Variants in RNF220 observed in about 807,000 individuals in gnomAD.
RNF220 encodes the protein ring finger protein 220.
Under a neutral mutation model 67.1 loss-of-function variants are expected in RNF220, and 7 were observed. The observed-to-expected ratio is 0.10, with a 90% CI of 0.06 to 0.20. The LOEUF is 0.20. RNF220 is among the 10% of genes least tolerant of loss of function. RNF220 has a pLI of 1.00. For synonymous variants in RNF220, 270 were observed against 283.2 expected (o/e 0.95, Z 0.47); for missense variants, 565 against 740.3 (o/e 0.76, Z 2.75).
chr1:44,467,685 C>T (rs1654408673), intron 2 of RNF220, among the ~76,000 whole-genome samples: 1 of 151,752 alleles, frequency 6.6e-6, no homozygotes, highest in South Asian at 2.1e-4. Flanking sequence ...CATTTCTTAT[C>T]ATTCATGTGT....
At chr1:44,525,447 C>A (rs1249109252) in intron 2 of RNF220, among the ~76,000 whole-genome samples, 8 of 152,218 alleles carry the variant, frequency 5.3e-5, no homozygotes, top group African/African-American at 2.4e-5. Flanking sequence ...CAAACACACA[C>A]AAAAAATAAC....
chr1:44,502,565 A>C (rs929900849), intron 2 of RNF220, among the ~76,000 whole-genome samples: 1 of 152,218 alleles, frequency 6.6e-6, no homozygotes, highest in African/African-American at 2.4e-5. Flanking sequence ...GCCAGGCCCT[A>C]GGAGACACAG....
intron 2 of RNF220, among the ~76,000 whole-genome samples, chr1:44,418,376 G>A (rs1648822297): frequency 6.6e-6 from 1 of 152,220 alleles, no homozygotes; most frequent in Non-Finnish European, 1.5e-5. Context: ...TCTCCTTTCG[G>A]CTTGAAATGT....
At chr1:44,608,260 C>G (rs1164914353) in intron 2 of RNF220, among the ~76,000 whole-genome samples, 1 of 152,084 alleles carries the variant, frequency 6.6e-6, no homozygotes, top group Non-Finnish European at 1.5e-5. Flanking sequence ...ACTCTGGGGA[C>G]AATCGTTTCA....
chr1:44,632,407 C>T (rs749448793), intron 6 of RNF220, 22 bp downstream of exon 6: 2 of 1,576,382 alleles, frequency 1.3e-6, no homozygotes, highest in East Asian at 2.3e-5. Flanking sequence ...CCGGCCCCTC[C>T]CTCCGCCCCA....
chr1:44,614,044 CT>C (rs980414010), intron 2 of RNF220, 120 bp from the exon 3 acceptor site: 143 of 1,356,896 alleles, frequency 1.1e-4, no homozygotes, highest in Middle Eastern at 5.6e-4. Context: ...CCTCAGGCCC[CT>C]CCTCTAGGCC....
Position 44,641,000 on chromosome 1 carries a change from C to G in RNF220, c.1127-3698C>G, listed in dbSNP as rs563295982. The stretch of plus-strand genomic sequence containing the variant: ...ACTGCCCCCAGTAAACGGGCATCTC[C>G]AGTTTCTCAATCGATCATCTGATCA... On this transcript the variant is annotated intron_variant, in intron 8 of 14. Transcript: ENST00000361799. 3.9e-5 allele frequency among the ~76,000 whole-genome samples: 6 copies of G among 152,230 alleles called. No individual in the cohort carries two copies. The South Asian group carries it at 1.0e-3, about 26-fold the overall frequency.
In RNF220 at chr1:44,407,416, G is replaced by A. The variant is rs542770040; in HGVS notation, c.-118+1886G>A. ...GCGGGCTCTTCCTGCAAAGGGGAAT[G>A]AGCAGAGGGGGGAAAGGCAGAAAGA... On this transcript the variant is annotated intron_variant, in intron 1 of 14. Transcript: ENST00000361799. 2.6e-5 allele frequency among the ~76,000 whole-genome samples: 4 copies of A among 152,332 alleles called. No homozygotes were observed. In the South Asian group the frequency reaches 8.3e-4, roughly 32 times the overall value.
At chr1:44,554,370 T>C (rs1662903674) in intron 2 of RNF220, among the ~76,000 whole-genome samples, 1 of 152,034 alleles carries the variant, frequency 6.6e-6, no homozygotes, top group South Asian at 2.1e-4. Flanking sequence ...TTAGGACATG[T>C]CCTTCTCGCC....
Position 44,514,833 on chromosome 1 carries a change from A to C in RNF220, c.626-99332A>C, listed in dbSNP as rs145311954. ...AGTGGCTTTAGAGGTTCTGAAGTTC[A>C]TGCTTTACTAGTTGTGTGCATAACC... On this transcript the variant is annotated intron_variant, in intron 2 of 14. Transcript: ENST00000361799. Among the ~76,000 whole-genome samples, 78 of 152,336 alleles carry C rather than the reference A, an allele frequency of 5.1e-4. 1 individual carries two copies. Among genetic ancestry groups the C allele is most frequent in the African/African-American group, 1.6e-3 (65 of 41,582 alleles).
intron 2 of RNF220, among the ~76,000 whole-genome samples, chr1:44,539,867 CA>C (rs1439110432): frequency 3.9e-5 from 6 of 152,196 alleles, no homozygotes; most frequent in Admixed American, 3.9e-4. Flanking sequence ...TTCTAAAATG[CA>C]AATCTGATTC....
chr1:44,588,424 A>G (rs968143639), intron 2 of RNF220, among the ~76,000 whole-genome samples: 5 of 152,236 alleles, frequency 3.3e-5, no homozygotes, highest in Admixed American at 6.5e-5. Flanking sequence ...TCCTTAGCCC[A>G]GCACGCTCAG....
At position 44,613,252 on chromosome 1, in the gene RNF220, G is replaced by C. The variant is rs544843868; in HGVS notation, c.626-913G>C. Among the ~76,000 whole-genome samples, 11 of 149,760 alleles carry C rather than the reference G, an allele frequency of 7.3e-5. No homozygotes were observed. The East Asian group carries it at 2.0e-3, about 27-fold the overall frequency. ...AATAGGGCTCCTCAACCCCACTCCTGTAAGCAGAGGCCACAGAGCATCCAT... is the reference window on the plus strand; with the variant it reads ...AATAGGGCTCCTCAACCCCACTCCTCTAAGCAGAGGCCACAGAGCATCCAT... On this transcript the variant is annotated intron_variant, in intron 2 of 14. Coordinates refer to ENST00000361799, the MANE Select transcript of RNF220 (RefSeq NM_018150.4).
chr1:44,546,968 A>G (rs536267216), intron 2 of RNF220, among the ~76,000 whole-genome samples: 34 of 152,316 alleles, frequency 2.2e-4, no homozygotes, highest in African/African-American at 8.2e-4. Context: ...TCAGCAAGTA[A>G]ATAAGCAAAG....
intron 2 of RNF220, among the ~76,000 whole-genome samples, chr1:44,493,343 G>A (rs1306004798): frequency 2.0e-5 from 3 of 152,026 alleles, no homozygotes; most frequent in African/African-American, 4.8e-5. Context: ...GTAAAACTCC[G>A]TCTCTACTAA....
chr1:44,498,908 C>A (rs1380471462), intron 2 of RNF220, among the ~76,000 whole-genome samples: 1 of 152,168 alleles, frequency 6.6e-6, no homozygotes, highest in East Asian at 1.9e-4. Context: ...TTCTCTCCCC[C>A]AATAAACTTG....
rs748872462 is a variant in RNF220 at position 44,412,218 on chromosome 1, C to G, written c.121C>G (p.Pro41Ala). The change falls in exon 2 of 15, where the codon CCT becomes GCT. Residue 41 changes from proline to alanine, a missense_variant. Physicochemically the swap from Pro to Ala is conservative, Grantham distance 27. Coordinates refer to ENST00000361799, the MANE Select transcript of RNF220 (RefSeq NM_018150.4). The surrounding 1 kb of genome is among the most constrained non-coding windows in gnomAD (Gnocchi z 5.3). ...TAEASRDASI[P>A]CQQPRPFGVP... is the part of the protein sequence containing the mutation. ...TGAGGCCAGCCGTGATGCTTCCATC[C>G]CTTGTCAGCAGCCACGACCCTTTGG... 1.9e-6 allele frequency: 3 copies of G among 1,614,196 alleles called. No homozygotes were observed. In the Admixed American group the frequency reaches 5.0e-5, roughly 27 times the overall value.
In RNF220 at chr1:44,650,428, T is replaced by G; in HGVS notation, c.1630-276T>G. ...TCCTGATCAAAGGCCGCGTGTAATC[T>G]CGTTAGGGCTGCGGCTGCCACAGCT... On this transcript the variant is annotated intron_variant, in intron 14 of 14. Coordinates refer to ENST00000361799, the MANE Select transcript of RNF220 (RefSeq NM_018150.4). This position sits in a 1 kb window ranked among gnomAD's most constrained non-coding sequence, Gnocchi z 4.3. 5.7e-6 allele frequency: 3 copies of G among 525,294 alleles called. No homozygotes were observed. Among genetic ancestry groups the G allele is most frequent in the Non-Finnish European group, 1.0e-5 (3 of 290,162 alleles). 32.5% of individuals were successfully genotyped at this position (525,294 alleles called of 1,614,324 possible). A position where few individuals can be genotyped will look rare whatever the true frequency, so the allele number is the denominator to read the frequency against.
intron 9 of RNF220, 97 bp downstream of exon 9, chr1:44,644,891 G>A (rs960475332): frequency 1.2e-4 from 180 of 1,522,084 alleles, no homozygotes; most frequent in East Asian, 1.0e-3. Context: ...ACCACCCCCC[G>A]GGCCAGAGTC....
Sources: allele counts gnomAD v4.1 joint callset (sites outside exome capture counted in the v4.1 genomes callset), GRCh38; gene constraint gnomAD v4.1.1; non-coding constraint Gnocchi (gnomAD v3.1); transcripts MANE v1.5; gene names NCBI Gene and HGNC (gene_info 2026-07-23, HGNC 2026-07-21).